NECAB3: variants seen among roughly 807,000 people sequenced by gnomAD.
NECAB3 encodes the protein N-terminal EF-hand calcium binding protein 3.
In NECAB3, 38 loss-of-function variants were observed where a neutral mutation model predicts 57.2. That is an observed-to-expected ratio of 0.66 (90% CI 0.51 to 0.87). NECAB3 has a LOEUF of 0.87. Among genes scored for constraint, NECAB3 ranks in the 40% least tolerant of loss-of-function variants. NECAB3 has a pLI of 0.00. For synonymous variants in NECAB3, 223 were observed against 222.6 expected, an observed-to-expected ratio of 1.00 and a Z score of -0.02; for missense variants, 474 against 527.5, an observed-to-expected ratio of 0.90 and a Z score of 0.99.
chr20:33,668,042 A>T (rs1204486692), intron 5 of NECAB3: 3 of 1,553,606 alleles, frequency 1.9e-6, no homozygotes, highest in Non-Finnish European at 2.6e-6. Flanking sequence ...CTGGACAAGG[A>T]GCTGGAGGCG....
intron 1 of NECAB3, among the ~76,000 whole-genome samples, chr20:33,672,830 A>G (rs1392259821): frequency 1.3e-5 from 2 of 152,074 alleles, no homozygotes; most frequent in Non-Finnish European, 2.9e-5. Context: ...CCTAGACCTG[A>G]GCCCCGAGCT....
intron 5 of NECAB3, among the ~76,000 whole-genome samples, chr20:33,668,805 A>C (rs2017760895): frequency 6.6e-6 from 1 of 152,244 alleles, no homozygotes; most frequent in South Asian, 2.1e-4. Flanking sequence ...ATATTTCTTG[A>C]ACACACAAAG....
intron 5 of NECAB3, chr20:33,663,768 G>A (rs938258147): frequency 8.3e-6 from 12 of 1,442,024 alleles, no homozygotes; most frequent in Non-Finnish European, 1.1e-5. Context: ...GGCCGCGGCT[G>A]CTCTCGCGCT....
At position 33,658,715 on chromosome 20, in the gene NECAB3, G is replaced by A. The variant is rs1179744230; in HGVS notation, c.992+7C>T. 6.2e-7 allele frequency: 1 copy of A among 1,612,826 alleles called. No homozygotes were observed. The highest frequency in any genetic ancestry group is 1.7e-5 in the Admixed American group (1 of 60,002). ...CTGGCCATCCCACCTGCCAGCTGGG[G>A]ACTCACTGCAGACAATGGCTCTGGG... On this transcript the variant is annotated splice_region_variant and intron_variant, in intron 9 of 11. Coordinates refer to ENST00000246190, the MANE Select transcript of NECAB3 (RefSeq NM_031232.4).
chr20:33,659,953 C>G lies in NECAB3; in HGVS notation c.575G>C (p.Arg192Pro). The change falls in exon 7 of 12, where the codon CGG becomes CCG. Residue 192 changes from arginine (R) to proline (P), a missense_variant. By Grantham distance (103) the Arg-to-Pro change is moderately radical (BLOSUM62 -2). Transcript: ENST00000246190. Reference sequence around the variant, plus strand: ...ACTCCTCAGGGCTCGGCGTCCTGCCCGCCGGCTGCCGCAGAGCCTGCTCTG... The same window carrying G: ...ACTCCTCAGGGCTCGGCGTCCTGCCGGCCGGCTGCCGCAGAGCCTGCTCTG... ...EAQSRLCGSR[R>P]AGRRALRSVS... The G allele has an allele frequency of 6.4e-7, 1 of 1,556,894 alleles. No individual in the cohort carries two copies. Among genetic ancestry groups the G allele is most frequent in the Non-Finnish European group, 8.7e-7 (1 of 1,153,082 alleles).
intron 5 of NECAB3, chr20:33,667,928 C>A: frequency 6.4e-7 from 1 of 1,560,314 alleles, no homozygotes; most frequent in South Asian, 1.2e-5. Context: ...CCCGCGCTGG[C>A]CTTCCGGGCG....
In NECAB3 at chr20:33,659,562, C is replaced by A. The variant is rs752071555; in HGVS notation, c.814G>T (p.Val272Leu). ...GPCWRPGPHS[V>L]PSQAPRLEPL... Reference sequence around the variant, plus strand: ...TCCAGCCGGGGGGCCTGTGAGGGCACAGAGTGTGGGCCGGGCCTCCAGCAT... The same window carrying A: ...TCCAGCCGGGGGGCCTGTGAGGGCAAAGAGTGTGGGCCGGGCCTCCAGCAT... The change falls in exon 8 of 12, where the codon GTG becomes TTG. Residue 272 changes from valine (V) to leucine (L), a missense_variant. Physicochemically the swap from Val to Leu is conservative, Grantham distance 32. Coordinates refer to ENST00000246190, the MANE Select transcript of NECAB3 (RefSeq NM_031232.4). 2 of 1,579,530 alleles carry A rather than the reference C, an allele frequency of 1.3e-6. No homozygotes were observed. The highest frequency in any genetic ancestry group is 1.8e-5 in the Admixed American group (1 of 56,418).
In NECAB3 at chr20:33,660,430, G is replaced by A. The variant is rs1468211867; in HGVS notation, c.388-35C>T. The A allele has an allele frequency of 1.2e-6, 2 of 1,605,434 alleles. No homozygotes were observed. Among genetic ancestry groups the A allele is most frequent in the Admixed American group, 1.7e-5 (1 of 59,776 alleles). On this transcript the variant is annotated intron_variant, in intron 5 of 11. Transcript: ENST00000246190. This position sits in a 1 kb window ranked among gnomAD's most constrained non-coding sequence, Gnocchi z 4.1. The stretch of plus-strand genomic sequence containing the variant: ...AAGGAGGGACGGTCAGCATCTCCCA[G>A]CCCGGGCACTGATCTCTTGAGTGGG...
chr20:33,662,395 G>A (rs1407229518), intron 5 of NECAB3: 54 of 1,551,462 alleles, frequency 3.5e-5, no homozygotes, highest in Admixed American at 1.2e-4. Context: ...AAGCAGGCCC[G>A]CAAGGAGAGG....
chr20:33,672,516 A>C, intron 1 of NECAB3, 94 bp from the exon 2 acceptor site: 1 of 1,476,318 alleles, frequency 6.8e-7, no homozygotes. Flanking sequence ...TGGCCGACCT[A>C]CCCCCTGCCT....
intron 5 of NECAB3, chr20:33,668,579 G>A (rs959580383): frequency 8.4e-6 from 2 of 239,296 alleles, no homozygotes; most frequent in African/African-American, 2.3e-5. Context: ...ACATACATCC[G>A]ATGCCAGGCC....
At chr20:33,661,112 A>C (rs2017462911) in intron 5 of NECAB3, among the ~76,000 whole-genome samples, 1 of 152,240 alleles carries the variant, frequency 6.6e-6, no homozygotes, top group African/African-American at 2.4e-5. Context: ...GATGAAACTC[A>C]GCACATGGAG....
At position 33,658,095 on chromosome 20, in the gene NECAB3, G is replaced by C; in HGVS notation, c.1071-62C>G. ...CACTCCCGCCCCATCCTGCTGCCAGGATCAGACCCCGGCCCTTCTCACACT... is the reference window on the plus strand; with the variant it reads ...CACTCCCGCCCCATCCTGCTGCCAGCATCAGACCCCGGCCCTTCTCACACT... On this transcript the variant is annotated intron_variant, in intron 10 of 11. Transcript: ENST00000246190. 2.1e-6 allele frequency: 3 copies of C among 1,449,338 alleles called. 1 individual carries two copies. The highest frequency in any genetic ancestry group is 2.5e-5 in the South Asian group (2 of 80,028). 89.8% of individuals were successfully genotyped at this position (1,449,338 alleles called of 1,614,324 possible).
intron 5 of NECAB3, chr20:33,668,284 A>G (rs373560905): frequency 2.6e-5 from 40 of 1,534,448 alleles, no homozygotes; most frequent in Non-Finnish European, 9.7e-6. Flanking sequence ...ACAGCTCTCT[A>G]TCTAAAGAGT....
At chr20:33,661,028 A>G (rs1196083455) in intron 5 of NECAB3, among the ~76,000 whole-genome samples, 1 of 152,200 alleles carries the variant, frequency 6.6e-6, no homozygotes, top group Non-Finnish European at 1.5e-5. Flanking sequence ...TGCATGGCCC[A>G]GCATGGGATT....
At chr20:33,664,027 G>C in intron 5 of NECAB3, 1 of 600,498 alleles carries the variant, frequency 1.7e-6, no homozygotes, top group Non-Finnish European at 2.7e-6. Context: ...CATCGCCACG[G>C]TCTGGAGCCA....
At position 33,670,799 on chromosome 20, in the gene NECAB3, T is replaced by C. The variant is rs771052047; in HGVS notation, c.155-7A>G. On this transcript the variant is annotated splice_region_variant and splice_polypyrimidine_tract_variant and intron_variant, in intron 2 of 11. Coordinates refer to ENST00000246190, the MANE Select transcript of NECAB3 (RefSeq NM_031232.4). ...AATGAGAGCTTCCCATCATCTGGGG[T>C]GGCAGGGGGAGGACAGGGAGCAGAG... The C allele has an allele frequency of 1.9e-5, 30 of 1,608,494 alleles. No homozygotes were observed. Among genetic ancestry groups the C allele is most frequent in the Admixed American group, 3.3e-5 (2 of 59,856 alleles).
Position 33,669,439 on chromosome 20 carries a change from G to T in NECAB3, c.323C>A (p.Pro108Gln). ...CAGCGATTCCAATGCAGCCAGCACCGGCCGGTAGACACCCAGGTGCTCTGA... is the reference window on the plus strand; with the variant it reads ...CAGCGATTCCAATGCAGCCAGCACCTGCCGGTAGACACCCAGGTGCTCTGA... ...YFSEHLGVYRPVLAALESLNR... is the reference protein window; with the variant it reads ...YFSEHLGVYRQVLAALESLNR... The change falls in exon 5 of 12, where the codon CCG becomes CAG. Residue 108 changes from proline to glutamine, a missense_variant. Transcript: ENST00000246190. The T allele has an allele frequency of 6.2e-7, 1 of 1,613,722 alleles. No individual in the cohort carries two copies. The highest frequency in any genetic ancestry group is 8.5e-7 in the Non-Finnish European group (1 of 1,180,022).
intron 5 of NECAB3, among the ~76,000 whole-genome samples, chr20:33,661,483 G>A (rs2017474066): frequency 6.6e-6 from 1 of 152,350 alleles, no homozygotes; most frequent in African/African-American, 2.4e-5. Flanking sequence ...GGACAGAGAA[G>A]AGGCTGGGTC....
Sources: allele counts gnomAD v4.1 joint callset (sites outside exome capture counted in the v4.1 genomes callset), GRCh38; gene constraint gnomAD v4.1.1; non-coding constraint Gnocchi (gnomAD v3.1); transcripts MANE v1.5; gene names NCBI Gene and HGNC (gene_info 2026-07-23, HGNC 2026-07-21).